The following VAC14 variants were observed in gnomAD, a reference collection of about 807,000 sequenced individuals.
The protein encoded by VAC14 is protein VAC14 homolog.
Under a neutral mutation model 85.3 loss-of-function variants are expected in VAC14, and 47 were observed. The ratio of observed to expected loss-of-function variants is 0.55; its 90% CI spans 0.44 to 0.70. The LOEUF is 0.70. Among genes scored for constraint, VAC14 ranks in the 30% least tolerant of loss-of-function variants. The pLI is 0.00. For missense variants in VAC14, 861 were observed against 1,004.3 expected (o/e 0.86, Z 1.93); for synonymous variants, 447 against 430.5 (o/e 1.04, Z -0.47).
At chr16:70,747,396 G>A (rs2030991135) in intron 12 of VAC14, 2 of 151,632 alleles carry the variant, frequency 1.3e-5, no homozygotes, top group African/African-American at 4.9e-5. Flanking sequence ...AGTACTGATG[G>A]TTGTATAATC....
At position 70,688,822 on chromosome 16, in the gene VAC14, G is replaced by A. The variant is rs986062612; in HGVS notation, c.2187-732C>T. On this transcript the variant is annotated intron_variant, in intron 18 of 18. Coordinates refer to ENST00000261776, the MANE Select transcript of VAC14 (RefSeq NM_018052.5). ...CAGTGCTTAGCTTGCCCCTGGCGAT[G>A]AGATCCCCTTGGGCTCCTGTCCTGT... The A allele has an allele frequency of 1.0e-5, 10 of 985,514 alleles. No homozygotes were observed. In the Admixed American group the frequency reaches 1.8e-4, roughly 18 times the overall value. 61.0% of individuals were successfully genotyped at this position (985,514 alleles called of 1,614,324 possible). A position where few individuals can be genotyped will look rare whatever the true frequency, so the allele number is the denominator to read the frequency against.
chr16:70,692,412 G>A (rs2053614156), intron 18 of VAC14, among the ~76,000 whole-genome samples: 1 of 152,114 alleles, frequency 6.6e-6, no homozygotes, highest in Non-Finnish European at 1.5e-5. Context: ...GGCCTGGGAG[G>A]TGCCCAGCAC....
intron 14 of VAC14, among the ~76,000 whole-genome samples, chr16:70,728,732 C>T (rs2054502956): frequency 6.6e-6 from 1 of 152,248 alleles, no homozygotes; most frequent in South Asian, 2.1e-4. Flanking sequence ...GAAAACCCAC[C>T]TCAGCCCAGT....
chr16:70,794,574 G>A (rs1217877969), intron 1 of VAC14, among the ~76,000 whole-genome samples: 2 of 152,222 alleles, frequency 1.3e-5, no homozygotes, highest in African/African-American at 4.8e-5. Flanking sequence ...CCAACAGGTG[G>A]CAAAGCTCCC....
intron 12 of VAC14, among the ~76,000 whole-genome samples, chr16:70,748,240 C>A (rs978080280): frequency 5.9e-5 from 9 of 152,236 alleles, no homozygotes; most frequent in Non-Finnish European, 1.3e-4. Context: ...TGCTCCCTCT[C>A]CAGACAGCTG....
chr16:70,732,778 A>G (rs971392865), intron 13 of VAC14, among the ~76,000 whole-genome samples: 3 of 151,598 alleles, frequency 2.0e-5, no homozygotes, highest in Non-Finnish European at 2.9e-5. Flanking sequence ...GAGTGCTGAG[A>G]TTACAGGCAT....
At chr16:70,698,983 G>T (rs950829628) in intron 14 of VAC14, among the ~76,000 whole-genome samples, 172 bp from the exon 15 acceptor site, 3 of 152,094 alleles carry the variant, frequency 2.0e-5, no homozygotes, top group Non-Finnish European at 2.9e-5. Flanking sequence ...GGGGAAGGGT[G>T]GGGGGAATGC....
chr16:70,790,195 G>GT (rs1318599998), intron 1 of VAC14, among the ~76,000 whole-genome samples: 6 of 152,338 alleles, frequency 3.9e-5, no homozygotes, highest in African/African-American at 1.4e-4. Flanking sequence ...AGAACGACCC[G>GT]TGTCTGCCAG....
At chr16:70,793,709 G>A (rs1018878741) in intron 1 of VAC14, among the ~76,000 whole-genome samples, 1 of 152,226 alleles carries the variant, frequency 6.6e-6, no homozygotes, top group Non-Finnish European at 1.5e-5. Flanking sequence ...AACATCCTCA[G>A]CTGTAGGTGG....
At chr16:70,786,626 A>G (rs1219901991) in intron 1 of VAC14, among the ~76,000 whole-genome samples, 1 of 152,238 alleles carries the variant, frequency 6.6e-6, no homozygotes, top group Admixed American at 6.5e-5. Flanking sequence ...ATGCAAATCA[A>G]TGTGTCACTG....
At position 70,689,902 on chromosome 16, in the gene VAC14, C is replaced by T. The variant is rs866559921; in HGVS notation, c.2187-1812G>A. 1.5e-5 allele frequency: 15 copies of T among 985,504 alleles called. No individual in the cohort carries two copies. The Middle Eastern group carries it at 1.6e-3, about 103-fold the overall frequency. The allele number at this position is 985,504 out of a possible 1,614,324, so 61.0% of individuals were successfully genotyped here. The stretch of plus-strand genomic sequence containing the variant: ...AGGCCAAGGGCCACCCCGGAGCTTG[C>T]AGCCCTAAGTCCAGGGTGTGGCCAG... On this transcript the variant is annotated intron_variant, in intron 18 of 18. Coordinates refer to ENST00000261776, the MANE Select transcript of VAC14 (RefSeq NM_018052.5).
chr16:70,735,206 G>A (rs555593261), intron 13 of VAC14, among the ~76,000 whole-genome samples: 4 of 152,046 alleles, frequency 2.6e-5, no homozygotes, highest in Non-Finnish European at 4.4e-5. Context: ...AGGCATCTGG[G>A]ACCATCATTT....
In VAC14 at chr16:70,687,861, G is replaced by A. The variant is rs578004803; in HGVS notation, c.*67C>T. 1.5e-5 allele frequency: 21 copies of A among 1,374,664 alleles called. No homozygotes were observed. The highest frequency in any genetic ancestry group is 2.9e-5 in the East Asian group (1 of 34,696). 85.2% of individuals were successfully genotyped at this position (1,374,664 alleles called of 1,614,324 possible). On this transcript the variant is annotated 3_prime_UTR_variant, in exon 19 of 19. Transcript: ENST00000261776. ...TGACAGGCAGGTCCTTGAGCTCCTC[G>A]GGAGGGCGTGACGACCCTTAGTGTT...
At chr16:70,727,336 ATTTATT>A (rs1033721274) in intron 14 of VAC14, among the ~76,000 whole-genome samples, 10 of 151,892 alleles carry the variant, frequency 6.6e-5, no homozygotes, top group African/African-American at 1.9e-4. Context: ...TTATTTATTT[ATTTATT>A]TTTATTTATT....
At chr16:70,771,464 G>A (rs916096983) in intron 10 of VAC14, 1 of 152,130 alleles carries the variant, frequency 6.6e-6, no homozygotes, top group Admixed American at 6.5e-5. Flanking sequence ...AGGCAACTGT[G>A]TCTCACTGCA....
At chr16:70,706,065 G>A (rs960833817) in intron 14 of VAC14, among the ~76,000 whole-genome samples, 2 of 152,192 alleles carry the variant, frequency 1.3e-5, no homozygotes, top group Admixed American at 6.5e-5. Context: ...CTCTGGTGGT[G>A]CTCATTTCCC....
At chr16:70,770,572 C>G (rs546685782) in intron 10 of VAC14, 1 of 152,384 alleles carries the variant, frequency 6.6e-6, no homozygotes, top group South Asian at 2.1e-4. Flanking sequence ...CCCAGCCAGT[C>G]TTCTCATTGC....
At chr16:70,693,167 G>A (rs775250025) in intron 17 of VAC14, among the ~76,000 whole-genome samples, 196 bp from the exon 18 acceptor site, 1 of 152,182 alleles carries the variant, frequency 6.6e-6, no homozygotes, top group East Asian at 1.9e-4. Context: ...ACAGCCAGTC[G>A]CGCTGCCCCC....
At chr16:70,759,284 T>G (rs2032121085) in intron 12 of VAC14, among the ~76,000 whole-genome samples, 2 of 152,100 alleles carry the variant, frequency 1.3e-5, no homozygotes, top group Non-Finnish European at 2.9e-5. Flanking sequence ...TACAGATCAA[T>G]AAGAAAAGTG....
Sources: allele counts gnomAD v4.1 joint callset (sites outside exome capture counted in the v4.1 genomes callset), GRCh38; gene constraint gnomAD v4.1.1; transcripts MANE v1.5; gene names NCBI Gene and HGNC (gene_info 2026-07-23, HGNC 2026-07-21).